The following ZNF875 variants were observed in gnomAD, a reference collection of about 807,000 sequenced individuals.
The protein encoded by ZNF875 is zinc finger protein 875, also known as HKR1, GLI-Kruppel zinc finger family member.
Under a neutral mutation model 11.2 loss-of-function variants are expected in ZNF875, and 14 were observed. The ratio of observed to expected loss-of-function variants is 1.26; its 90% CI spans 0.83 to 1.96. ZNF875 has a LOEUF of 1.96. Ranked by LOEUF, ZNF875 falls within the 30% of genes most tolerant of loss-of-function variation. ZNF875 has a pLI of 0.00. For synonymous variants in ZNF875, 301 were observed against 281.1 expected, an observed-to-expected ratio of 1.07 and a Z score of -0.71; for missense variants, 752 against 760.4, an observed-to-expected ratio of 0.99 and a Z score of 0.13.
At chr19:37,334,512 A>G (rs1446426187), upstream of ZNF875, 4 of 354,822 alleles carry the variant, frequency 1.1e-5, no homozygotes, top group African/African-American at 6.4e-5. Context: ...TGCGCTGTGC[A>G]GATGTCAGTC....
In ZNF875 at chr19:37,329,449, C is replaced by G. The variant is rs192907227; in HGVS notation, c.-603+5184C>G. On this transcript the variant is annotated intron_variant, in intron 4 of 5. Transcript: ENST00000544914. ...TTCCCACTAAATGGAGAGACTGACT[C>G]TCTCCATAAGTATTTGATTTTTACT... 2.0e-5 allele frequency among the ~76,000 whole-genome samples: 3 copies of G among 152,278 alleles called. No individual in the cohort carries two copies. The East Asian group carries it at 5.8e-4, about 29-fold the overall frequency.
intron 4 of ZNF875, among the ~76,000 whole-genome samples, chr19:37,354,982 CA>C (rs1321038736): frequency 6.6e-6 from 1 of 152,102 alleles, no homozygotes; most frequent in African/African-American, 2.4e-5. Context: ...TATAGCAATA[CA>C]AAACAGATTA....
chr19:37,318,563 C>G (rs1322627793), intron 1 of ZNF875, among the ~76,000 whole-genome samples: 4 of 151,272 alleles, frequency 2.6e-5, no homozygotes, highest in Non-Finnish European at 5.9e-5. Context: ...GCTCTGTCGC[C>G]CAGGCTGGAG....
At chr19:37,324,232 G>A (rs6508711) in exon 4 of ZNF875, 2 of 152,068 alleles carry the variant, frequency 1.3e-5, no homozygotes, top group South Asian at 4.1e-4. Flanking sequence ...CCCGCCGCAG[G>A]GAGGAGACCT....
chr19:37,332,919 CAG>C (rs1398158963), upstream of ZNF875, among the ~76,000 whole-genome samples: 2 of 152,158 alleles, frequency 1.3e-5, no homozygotes. Context: ...AAGGGTAACT[CAG>C]GTGAGAGTGT....
chr19:37,341,160 A>C (rs1015514575), intron 2 of ZNF875, among the ~76,000 whole-genome samples: 1 of 152,212 alleles, frequency 6.6e-6, no homozygotes, highest in African/African-American at 2.4e-5. Context: ...GCCAACGGTC[A>C]CATTAGTCAC....
intron 4 of ZNF875, among the ~76,000 whole-genome samples, chr19:37,326,997 A>AT (rs911539948): frequency 5.8e-4 from 84 of 144,366 alleles, no homozygotes; most frequent in Middle Eastern, 3.8e-3. Flanking sequence ...TATTATTATA[A>AT]TTTTTTTTTT....
intron 2 of ZNF875, chr19:37,344,473 T>A: frequency 3.9e-6 from 2 of 513,672 alleles, no homozygotes; most frequent in Non-Finnish European, 7.1e-6. Context: ...TCTGTGCCCA[T>A]GTTTCTGAGC....
chr19:37,328,626 T>A (rs1179695040), intron 4 of ZNF875: 3 of 152,250 alleles, frequency 2.0e-5, no homozygotes, highest in Non-Finnish European at 4.4e-5. Flanking sequence ...CCCCTCACTT[T>A]CCCAGTGTTC....
At chr19:37,320,879 AATT>A (rs2031281358) in intron 1 of ZNF875, among the ~76,000 whole-genome samples, 1 of 152,162 alleles carries the variant, frequency 6.6e-6, no homozygotes, top group Non-Finnish European at 1.5e-5. Context: ...TACTAAGAAA[AATT>A]ATTCTGCCTT....
At position 37,362,431 on chromosome 19, in the gene ZNF875, C is replaced by G; in HGVS notation, c.579C>G (p.Asn193Lys). ...AGCCAGCACAGTCCAAGGAAGACAA[C>G]ACAGTGGTGGATATAGGGTCCAGCC... ...EQQPAQSKED[N>K]TVVDIGSSPE... Residue 193 changes from asparagine to lysine, a missense_variant, in exon 5 of 5, where the codon AAC becomes AAG. Asn to Lys is a moderately conservative substitution (Grantham distance 94, BLOSUM62 0). Coordinates refer to ENST00000392153, the MANE Select transcript of ZNF875 (RefSeq NM_001353803.2). 1.2e-6 allele frequency: 2 copies of G among 1,614,174 alleles called. No homozygotes were observed. Among genetic ancestry groups the G allele is most frequent in the Non-Finnish European group, 1.7e-6 (2 of 1,180,030 alleles).
At chr19:37,349,445 C>A (rs2037428896) in intron 4 of ZNF875, among the ~76,000 whole-genome samples, 2 of 152,214 alleles carry the variant, frequency 1.3e-5, no homozygotes, top group African/African-American at 4.8e-5. Context: ...TATGAAATGG[C>A]CTCTCATAGT....
intron 2 of ZNF875, chr19:37,344,774 G>A (rs542031923): frequency 1.6e-5 from 25 of 1,526,604 alleles, no homozygotes; most frequent in African/African-American, 5.5e-5. Context: ...GAGGAATAAC[G>A]GTTGTATTAA....
upstream of ZNF875, among the ~76,000 whole-genome samples, chr19:37,314,356 T>C (rs1455845260): frequency 6.6e-6 from 1 of 152,154 alleles, no homozygotes; most frequent in East Asian, 1.9e-4. Context: ...GCTCAAATGA[T>C]ACTCCCACCT....
upstream of ZNF875, among the ~76,000 whole-genome samples, chr19:37,331,245 T>G (rs1241771862): frequency 6.7e-6 from 1 of 148,982 alleles, no homozygotes; most frequent in Non-Finnish European, 1.5e-5. Flanking sequence ...TTTTTTTTTT[T>G]TTTTTGAGAG....
intron 2 of ZNF875, chr19:37,344,676 G>T (rs1180967855): frequency 1.2e-6 from 2 of 1,613,170 alleles, no homozygotes; most frequent in Non-Finnish European, 1.7e-6. Flanking sequence ...GAGAGATTTG[G>T]AGTGAATCAT....
At chr19:37,361,394 A>T (rs944114190) in intron 4 of ZNF875, among the ~76,000 whole-genome samples, 2 of 151,880 alleles carry the variant, frequency 1.3e-5, no homozygotes, top group Admixed American at 6.6e-5. Context: ...CAGGCGTCAT[A>T]AGTTTTTGAG....
chr19:37,317,208 C>G (rs1320778066), upstream of ZNF875: 1 of 65,014 alleles, frequency 1.5e-5, no homozygotes, highest in African/African-American at 5.5e-5. Context: ...TTTTTTGAGA[C>G]GGAGTCTCGC....
At chr19:37,339,543 A>AG (rs2035229873) in intron 2 of ZNF875, among the ~76,000 whole-genome samples, 1 of 107,256 alleles carries the variant, frequency 9.3e-6, no homozygotes, top group East Asian at 3.3e-4. Context: ...GAACCCTGCC[A>AG]GTTTTTTTTT....
Sources: allele counts gnomAD v4.1 joint callset (sites outside exome capture counted in the v4.1 genomes callset), GRCh38; gene constraint gnomAD v4.1.1; transcripts MANE v1.5; gene names NCBI Gene and HGNC (gene_info 2026-07-23, HGNC 2026-07-21).